The following TTC13 variants were observed in gnomAD, a reference collection of about 807,000 sequenced individuals.
TTC13 encodes the protein tetratricopeptide repeat protein 13.
In TTC13, 62 loss-of-function variants were observed where a neutral mutation model predicts 120.0. The ratio of observed to expected loss-of-function variants is 0.52; its 90% confidence interval spans 0.42 to 0.64. The LOEUF (loss-of-function observed/expected upper bound fraction) is 0.64, where lower values mean the gene tolerates loss of function less well. TTC13 is among the 30% of genes least tolerant of loss of function. The probability of loss-of-function intolerance (pLI) is 0.00; values close to 1 mark genes in which losing one functional copy is unlikely to be tolerated. For missense variants in TTC13, 824 were observed against 1,050.2 expected, an observed-to-expected ratio of 0.78 and a Z score of 2.98; for synonymous variants, 384 against 393.5, an observed-to-expected ratio of 0.98 and a Z score of 0.28.
intron 17 of TTC13, among the ~76,000 whole-genome samples, chr1:230,918,617 G>A (rs894134440): frequency 6.6e-5 from 10 of 152,190 alleles, no homozygotes; most frequent in African/African-American, 2.4e-4. Flanking sequence ...GTTTGAGAAG[G>A]TTGAGGGGCA....
At chr1:230,930,974 G>A (rs940319104) in intron 11 of TTC13, among the ~76,000 whole-genome samples, 2 of 152,152 alleles carry the variant, frequency 1.3e-5, no homozygotes, top group African/African-American at 4.8e-5. Context: ...TGCCCTTCCT[G>A]TATTCTTGGA....
intron 3 of TTC13, 127 bp from the exon 4 acceptor site, chr1:230,954,530 G>A (rs987738956): frequency 1.5e-6 from 1 of 648,510 alleles, no homozygotes; most frequent in African/African-American, 1.9e-5. Context: ...AGAAAACCTA[G>A]AAGTTAATAA....
At chr1:230,976,309 A>G (rs191392886) in intron 1 of TTC13, among the ~76,000 whole-genome samples, 1 of 152,324 alleles carries the variant, frequency 6.6e-6, no homozygotes, top group Admixed American at 6.5e-5. Flanking sequence ...CCCTCAGGCT[A>G]TGGCACGGTT....
chr1:230,911,478 T>G lies in TTC13; in HGVS notation c.2301A>C (p.Arg767=), dbSNP rs1671491414. 3 of 1,596,414 alleles carry G rather than the reference T, an allele frequency of 1.9e-6. No homozygotes were observed. The East Asian group carries it at 6.7e-5, about 36-fold the overall frequency. Residue 767 remains arginine (R), a synonymous_variant, in exon 20 of 23, where the codon CGA becomes CGC. Transcript: ENST00000366661. The part of the protein sequence containing the change: ...YYFYNLMPLS[R]GSSVIAYSVI... The stretch of plus-strand genomic sequence containing the variant: ...GACAGGATATTACTTACCTGGATCC[T>G]CGAGAGAGTGGCATTAAATTATAAA...
At position 230,925,618 on chromosome 1, in the gene TTC13, T is replaced by C; in HGVS notation, c.1487A>G (p.Tyr496Cys). The C allele has an allele frequency of 3.7e-6, 6 of 1,614,070 alleles. No homozygotes were observed. The highest frequency in any genetic ancestry group is 4.2e-6 in the Non-Finnish European group (5 of 1,179,936). Residue 496 changes from tyrosine to cysteine, a missense_variant, in exon 13 of 23, where the codon TAT becomes TGT. By Grantham distance (194) the Tyr-to-Cys change is radical. This residue lies in a region of TTC13 where 430 missense variants were observed against 626.8 expected (regional missense o/e 0.69). Coordinates refer to ENST00000366661, the MANE Select transcript of TTC13 (RefSeq NM_024525.5). ...AATCAGCTCCTGTACTTCAGGCTTA[T>C]AACTCTCAAAATTCTGATGTAACAC... ...KDVLHQNFES[Y>C]KPEVQELICV...
intron 4 of TTC13, among the ~76,000 whole-genome samples, chr1:230,947,909 C>T (rs1675162164): frequency 6.6e-6 from 1 of 152,142 alleles, no homozygotes; most frequent in South Asian, 2.1e-4. Context: ...ACACACCCCT[C>T]ACCAAATCCT....
intron 18 of TTC13, among the ~76,000 whole-genome samples, chr1:230,913,202 G>A (rs184845281): frequency 6.6e-6 from 1 of 152,292 alleles, no homozygotes; most frequent in African/African-American, 2.4e-5. Context: ...AAAAAAAGTG[G>A]AGCTGAAGCT....
At chr1:230,948,519 G>T (rs1253668818) in intron 4 of TTC13, among the ~76,000 whole-genome samples, 1 of 150,216 alleles carries the variant, frequency 6.7e-6, no homozygotes, top group Non-Finnish European at 1.5e-5. Context: ...TAAAGACAGG[G>T]TCTCACTCTG....
At chr1:230,941,919 A>T (rs1008646232) in intron 6 of TTC13, among the ~76,000 whole-genome samples, 1 of 152,202 alleles carries the variant, frequency 6.6e-6, no homozygotes, top group African/African-American at 2.4e-5. Flanking sequence ...TGTTCATCAA[A>T]TATAGAATAT....
At chr1:230,948,854 T>C (rs1675262210) in intron 4 of TTC13, among the ~76,000 whole-genome samples, 1 of 152,102 alleles carries the variant, frequency 6.6e-6, no homozygotes, top group Admixed American at 6.5e-5. Context: ...CTTTCCCAAA[T>C]GCAGTGCATT....
intron 1 of TTC13, among the ~76,000 whole-genome samples, chr1:230,965,100 G>A (rs1448687675): frequency 6.6e-6 from 1 of 152,086 alleles, no homozygotes; most frequent in Non-Finnish European, 1.5e-5. Flanking sequence ...CACAAACACA[G>A]GCAACCAAAG....
At chr1:230,922,149 T>C (rs944539566) in intron 15 of TTC13, among the ~76,000 whole-genome samples, 3 of 152,098 alleles carry the variant, frequency 2.0e-5, no homozygotes, top group Non-Finnish European at 4.4e-5. Flanking sequence ...CCACTAAACA[T>C]GTCCACCTAC....
intron 14 of TTC13, among the ~76,000 whole-genome samples, chr1:230,924,467 C>T (rs1006089267): frequency 1.2e-4 from 18 of 152,192 alleles, no homozygotes; most frequent in South Asian, 6.2e-4. Context: ...GGAGTAGCTG[C>T]GACTACAGGC....
rs1431830764 is a variant in TTC13, at chr1:230,923,836, C to T, written c.1814+5G>A. On this transcript the variant is annotated splice_donor_5th_base_variant and intron_variant, in intron 15 of 22. Coordinates refer to ENST00000366661, the MANE Select transcript of TTC13 (RefSeq NM_024525.5). ...AAAGAAGAAAGATGCACAAAAGGTT[C>T]GTACCTGATTAAATTAATGTGGTTG... 14 of 1,610,646 alleles carry T rather than the reference C, an allele frequency of 8.7e-6. No homozygotes were observed. Among genetic ancestry groups the T allele is most frequent in the African/African-American group, 4.0e-5 (3 of 74,802 alleles).
At chr1:230,962,291 A>T (rs1676713608) in intron 1 of TTC13, among the ~76,000 whole-genome samples, 1 of 152,156 alleles carries the variant, frequency 6.6e-6, no homozygotes, top group Non-Finnish European at 1.5e-5. Context: ...AAAACAACAC[A>T]ATTTTAAAAA....
At chr1:230,950,191 A>T (rs1314623514) in intron 4 of TTC13, among the ~76,000 whole-genome samples, 3 of 152,078 alleles carry the variant, frequency 2.0e-5, no homozygotes, top group African/African-American at 7.2e-5. Flanking sequence ...ACCAACGTTT[A>T]TTCCTAAAAA....
intron 6 of TTC13, among the ~76,000 whole-genome samples, chr1:230,943,348 A>G (rs763114997): frequency 7.2e-5 from 11 of 152,120 alleles, no homozygotes; most frequent in Non-Finnish European, 1.2e-4. Context: ...TCCAACAACA[A>G]TAGACTGGAT....
chr1:230,921,603 T>C (rs1391800853), intron 15 of TTC13, 99 bp from the exon 16 acceptor site: 3 of 666,058 alleles, frequency 4.5e-6, no homozygotes, highest in Non-Finnish European at 4.8e-6. Flanking sequence ...TAAGAAACTA[T>C]GAGAATAATG....
chr1:230,965,136 C>A (rs1277166216), intron 1 of TTC13, among the ~76,000 whole-genome samples: 3 of 152,134 alleles, frequency 2.0e-5, no homozygotes, highest in Admixed American at 1.3e-4. Context: ...GGGATCATGT[C>A]AAGTTGAAAA....
Sources: gnomAD v4.1 joint callset for allele counts (sites outside exome capture counted in the v4.1 genomes callset) on GRCh38, gnomAD v4.1.1 for gene constraint, gnomAD v4.1.1 regional missense constraint, MANE v1.5 for transcripts, NCBI Gene and HGNC (gene_info 2026-07-23, HGNC 2026-07-21) for gene names.